GRIK1: variants seen among roughly 807,000 people sequenced by gnomAD.
GRIK1 encodes glutamate ionotropic receptor kainate type subunit 1, also known as glutamate receptor ionotropic, kainate 1.
GRIK1 carries 69 observed loss-of-function variants against 105.7 expected under a neutral mutation model. The observed-to-expected ratio is 0.65, with a 90% CI of 0.54 to 0.80. The LOEUF (loss-of-function observed/expected upper bound fraction) is 0.80. Among genes scored for constraint, GRIK1 ranks in the 30% least tolerant of loss-of-function variants. The pLI, the probability that GRIK1 is intolerant of heterozygous loss-of-function variation, is 0.00. For synonymous variants in GRIK1, 438 were observed against 431.3 expected (o/e 1.02, Z -0.19); for missense variants, 1,109 against 1,167.3 (o/e 0.95, Z 0.73).
intron 2 of GRIK1, among the ~76,000 whole-genome samples, chr21:29,691,218 C>T (rs746252341): frequency 3.9e-5 from 6 of 152,002 alleles, no homozygotes; most frequent in Admixed American, 6.6e-5. Flanking sequence ...GGCTGAGGCA[C>T]GAGAATTGCT....
At chr21:29,611,955 C>G (rs363449) in intron 7 of GRIK1, among the ~76,000 whole-genome samples, 83,111 of 152,048 alleles carry the variant, frequency 0.55, 26,076 homozygotes, top group African/African-American at 0.87. Context: ...GTTCCATTTA[C>G]AAAGACAAAG....
At chr21:29,906,992 T>C (rs1249599310) in intron 1 of GRIK1, among the ~76,000 whole-genome samples, 2 of 151,822 alleles carry the variant, frequency 1.3e-5, no homozygotes, top group African/African-American at 4.8e-5. Context: ...TGAAATCTTT[T>C]GCTTCTCTCT....
chr21:29,918,942 G>A (rs1334041375), intron 1 of GRIK1, among the ~76,000 whole-genome samples: 3 of 151,924 alleles, frequency 2.0e-5, no homozygotes, highest in Admixed American at 2.0e-4. Flanking sequence ...TGGAGAAGGT[G>A]ATAAGTGTAC....
intron 7 of GRIK1, among the ~76,000 whole-genome samples, chr21:29,621,909 A>G (rs2062013102): frequency 1.3e-5 from 2 of 152,254 alleles, no homozygotes; most frequent in South Asian, 4.2e-4. Context: ...TTATTTATAA[A>G]TAAAATCATA....
At chr21:29,694,315 G>A (rs1468470745) in intron 1 of GRIK1, among the ~76,000 whole-genome samples, 1 of 151,782 alleles carries the variant, frequency 6.6e-6, no homozygotes, top group Non-Finnish European at 1.5e-5. Context: ...GTAGAGATGG[G>A]GTTTCCCCAT....
chr21:29,560,404 T>C (rs8126688), intron 15 of GRIK1, among the ~76,000 whole-genome samples: 4,612 of 73,730 alleles, frequency 0.063, 366 homozygotes, highest in African/African-American at 0.15. Flanking sequence ...TTCCTTCCTT[T>C]CTTTCTTTCT....
chr21:29,627,819 C>G (rs772091977), intron 7 of GRIK1, among the ~76,000 whole-genome samples: 1 of 152,178 alleles, frequency 6.6e-6, no homozygotes, highest in African/African-American at 2.4e-5. Context: ...CTTTTGTTAA[C>G]ACTTTAGTAT....
intron 1 of GRIK1, among the ~76,000 whole-genome samples, chr21:29,695,436 ATATC>A (rs36155253): frequency 0.032 from 4,755 of 146,694 alleles, 104 homozygotes; most frequent in African/African-American, 0.048. Context: ...ATCTATATCA[ATATC>A]TATCTATCTA....
chr21:29,870,016 T>C (rs1404541242), intron 1 of GRIK1, among the ~76,000 whole-genome samples: 1 of 120,258 alleles, frequency 8.3e-6, no homozygotes, highest in African/African-American at 3.3e-5. Flanking sequence ...TTCAGATAAA[T>C]AATGAATAAT....
At chr21:29,581,390 G>T in intron 13 of GRIK1, 35 bp downstream of exon 13, 1 of 1,173,522 alleles carries the variant, frequency 8.5e-7, no homozygotes, top group South Asian at 1.2e-5. Context: ...AGCACACTGT[G>T]GGATGCGTGT....
At chr21:29,800,877 C>A (rs1418243536) in intron 1 of GRIK1, among the ~76,000 whole-genome samples, 1 of 152,084 alleles carries the variant, frequency 6.6e-6, no homozygotes, top group Non-Finnish European at 1.5e-5. Flanking sequence ...TACCTGAGTG[C>A]CTGAGGACAG....
intron 13 of GRIK1, among the ~76,000 whole-genome samples, chr21:29,580,132 C>CACACATATAT (rs200678872): frequency 7.0e-6 from 1 of 141,866 alleles, no homozygotes; most frequent in African/African-American, 2.7e-5. Flanking sequence ...CATATACACA[C>CACACATATAT]ATATATATAC....
At chr21:29,830,823 T>C (rs1450114060) in intron 1 of GRIK1, among the ~76,000 whole-genome samples, 1 of 152,158 alleles carries the variant, frequency 6.6e-6, no homozygotes, top group Non-Finnish European at 1.5e-5. Context: ...CCAATGTGTC[T>C]GATGAACATA....
intron 1 of GRIK1, among the ~76,000 whole-genome samples, chr21:29,707,772 G>T (rs78485625): frequency 3.3e-5 from 5 of 151,788 alleles, no homozygotes; most frequent in African/African-American, 1.2e-4. Flanking sequence ...GTAAACCACC[G>T]CGCCTGGCCT....
intron 1 of GRIK1, among the ~76,000 whole-genome samples, chr21:29,816,928 A>G (rs2067169667): frequency 6.6e-6 from 1 of 152,166 alleles, no homozygotes; most frequent in African/African-American, 2.4e-5. Context: ...AAATAGTTAG[A>G]AAATATGAAA....
intron 16 of GRIK1, chr21:29,553,117 C>T (rs363435): frequency 0.11 from 60,967 of 555,786 alleles, 6,005 homozygotes; most frequent in African/African-American, 0.42. Context: ...TTTGAAAATA[C>T]GCAGATCTAC....
At chr21:29,761,808 C>T (rs555985010) in intron 1 of GRIK1, among the ~76,000 whole-genome samples, 18 of 143,210 alleles carry the variant, frequency 1.3e-4, no homozygotes, top group East Asian at 4.1e-4. Flanking sequence ...AGTGAAATGG[C>T]GTGATCTCAG....
intron 16 of GRIK1, among the ~76,000 whole-genome samples, chr21:29,549,759 G>A (rs534395206): frequency 6.6e-6 from 1 of 152,230 alleles, no homozygotes; most frequent in Non-Finnish European, 1.5e-5. Context: ...TGTGGTCTTA[G>A]CATCCATTGA....
chr21:29,693,054 A>G (rs2063615712), intron 2 of GRIK1, among the ~76,000 whole-genome samples: 1 of 152,192 alleles, frequency 6.6e-6, no homozygotes, highest in Non-Finnish European at 1.5e-5. Flanking sequence ...CATGGTGTTC[A>G]TTGTGTTTCC....
Sources: gnomAD v4.1 joint callset for allele counts (sites outside exome capture counted in the v4.1 genomes callset) on GRCh38, gnomAD v4.1.1 for gene constraint, MANE v1.5 for transcripts, NCBI Gene and HGNC (gene_info 2026-07-23, HGNC 2026-07-21) for gene names.